The following PBX1 variants were observed in gnomAD, a reference collection of about 807,000 sequenced individuals.
The protein encoded by PBX1 is PBX homeobox 1, also known as pre-B-cell leukemia transcription factor 1.
Under a neutral mutation model 53.4 loss-of-function variants are expected in PBX1, and 6 were observed. The ratio of observed to expected loss-of-function variants is 0.11; its 90% CI spans 0.06 to 0.22. PBX1 has a LOEUF of 0.22. Ranked by LOEUF, PBX1 falls within the 10% of genes least tolerant of loss-of-function variation. The pLI is 1.00. For missense variants in PBX1, 251 were observed against 551.4 expected (o/e 0.46, Z 5.46); for synonymous variants, 204 against 212.3 (o/e 0.96, Z 0.34).
At chr1:164,704,616 T>G (rs1339317986) in intron 2 of PBX1, among the ~76,000 whole-genome samples, 1 of 151,868 alleles carries the variant, frequency 6.6e-6, no homozygotes, top group African/African-American at 2.4e-5. Context: ...ATGTCAGAGC[T>G]CTGATACTAT....
intron 2 of PBX1, among the ~76,000 whole-genome samples, chr1:164,650,459 C>G (rs1042764483): frequency 3.9e-5 from 6 of 152,172 alleles, no homozygotes; most frequent in East Asian, 1.9e-4. Flanking sequence ...GGACTCCTGA[C>G]AAGTGATCCG....
chr1:164,812,775 CTAATT>C (rs1669680045), intron 6 of PBX1: 2 of 152,088 alleles, frequency 1.3e-5, no homozygotes, highest in Non-Finnish European at 2.9e-5. Context: ...CATTATATCA[CTAATT>C]TAAGAGTTTA....
intron 2 of PBX1, among the ~76,000 whole-genome samples, chr1:164,571,700 G>A (rs549420940): frequency 1.1e-3 from 164 of 149,968 alleles, no homozygotes; most frequent in South Asian, 2.1e-3. Context: ...AGGTTTTTAT[G>A]TATGAATATA....
chr1:164,727,591 G>A (rs1256004050), intron 2 of PBX1, among the ~76,000 whole-genome samples: 1 of 152,156 alleles, frequency 6.6e-6, no homozygotes, highest in Admixed American at 6.5e-5. Context: ...GGTGGAAAGG[G>A]GTCTTGAGTT....
intron 2 of PBX1, among the ~76,000 whole-genome samples, chr1:164,791,762 G>A (rs74741368): frequency 0.02 from 3,043 of 152,156 alleles, 105 homozygotes; most frequent in African/African-American, 0.069. Flanking sequence ...ATTTTGTTAT[G>A]ATTACATTTT....
intron 2 of PBX1, among the ~76,000 whole-genome samples, chr1:164,881,332 A>AGAAGGAAG (rs10615739): frequency 5.8e-5 from 6 of 103,892 alleles, no homozygotes; most frequent in African/African-American, 2.4e-4. Flanking sequence ...AAGGAGGAAA[A>AGAAGGAAG]GAAGGAAGGA....
intron 2 of PBX1, among the ~76,000 whole-genome samples, chr1:164,712,157 C>A (rs1030636159): frequency 2.1e-5 from 3 of 142,200 alleles, no homozygotes; most frequent in Non-Finnish European, 4.5e-5. Context: ...GCGTTGGAAC[C>A]CAGGGAAGGA....
intron 2 of PBX1, among the ~76,000 whole-genome samples, chr1:164,778,155 A>C (rs373078368): frequency 1.1e-4 from 17 of 152,320 alleles, no homozygotes; most frequent in African/African-American, 3.8e-4. Context: ...CTGAACATTA[A>C]GACCAAGGTC....
chr1:164,762,297 A>G (rs1001915093), intron 2 of PBX1, among the ~76,000 whole-genome samples: 2 of 152,212 alleles, frequency 1.3e-5, no homozygotes, highest in Non-Finnish European at 2.9e-5. Context: ...CTAGGTCAAT[A>G]CAGGTTGGCA....
At chr1:164,844,880 G>A (rs1011427366) in intron 8 of PBX1, among the ~76,000 whole-genome samples, 1 of 152,146 alleles carries the variant, frequency 6.6e-6, no homozygotes, top group Non-Finnish European at 1.5e-5. Flanking sequence ...CCTCCTTATT[G>A]TTCTCCGTCT....
chr1:164,623,814 C>CA (rs1435480366), intron 2 of PBX1, among the ~76,000 whole-genome samples: 1 of 152,156 alleles, frequency 6.6e-6, no homozygotes, highest in Non-Finnish European at 1.5e-5. Flanking sequence ...TGCTAATGAT[C>CA]AAGAGACATG....
Position 164,661,420 on chromosome 1 carries a change from G to T in PBX1, c.265+98109G>T, listed in dbSNP as rs1345365791. Among the ~76,000 whole-genome samples, 5 of 145,438 alleles carry T rather than the reference G, an allele frequency of 3.4e-5. No individual in the cohort carries two copies. The East Asian group carries it at 1.0e-3, about 30-fold the overall frequency. ...GGGATCACCAGCAATTTCACTGTAA[G>T]CCAGTTTTTTTTTTTTTTTTTTTTG... On this transcript the variant is annotated intron_variant, in intron 2 of 8. Coordinates refer to ENST00000420696, the MANE Select transcript of PBX1 (RefSeq NM_002585.4).
intron 3 of PBX1, among the ~76,000 whole-genome samples, chr1:164,794,582 C>T (rs1046528506): frequency 2.6e-5 from 4 of 152,130 alleles, no homozygotes; most frequent in Non-Finnish European, 5.9e-5. Context: ...AGACATTTCC[C>T]CAGATCCCAG....
chr1:164,816,184 T>C (rs968042801), intron 6 of PBX1: 8 of 152,208 alleles, frequency 5.3e-5, no homozygotes, highest in African/African-American at 1.9e-4. Context: ...TTGAGATACA[T>C]ACCTATTGAA....
intron 2 of PBX1, among the ~76,000 whole-genome samples, chr1:164,776,982 GGT>G (rs1667703342): frequency 1.1e-5 from 1 of 89,754 alleles, no homozygotes; most frequent in Non-Finnish European, 2.5e-5. Context: ...AGAGAGAGGA[GGT>G]GTGGGGGGGC....
At chr1:164,823,180 G>C (rs1272893482) in intron 8 of PBX1, among the ~76,000 whole-genome samples, 1 of 152,148 alleles carries the variant, frequency 6.6e-6, no homozygotes, top group Non-Finnish European at 1.5e-5. Flanking sequence ...AGGACAGAGA[G>C]ATTCTTCCCA....
At chr1:164,748,369 G>C (rs1308189077) in intron 2 of PBX1, among the ~76,000 whole-genome samples, 1 of 152,092 alleles carries the variant, frequency 6.6e-6, no homozygotes, top group Admixed American at 6.5e-5. Context: ...TAATTAAGTG[G>C]AAATAAGAAC....
intron 2 of PBX1, chr1:164,641,781 G>A (rs1659162378): frequency 6.6e-6 from 1 of 152,148 alleles, no homozygotes; most frequent in Admixed American, 6.5e-5. Flanking sequence ...CTCTCCAAAT[G>A]GTGTGAACAT....
rs940151447 is a variant in PBX1 at position 164,559,380 on chromosome 1, C to G, written c.-443C>G. The G allele has an allele frequency of 4.5e-6, 1 of 223,318 alleles. No individual in the cohort carries two copies. The highest frequency in any genetic ancestry group is 8.9e-6 in the Non-Finnish European group (1 of 111,996). 13.8% of individuals were successfully genotyped at this position (223,318 alleles called of 1,614,324 possible). On this transcript the variant is annotated 5_prime_UTR_variant, in exon 1 of 9. Coordinates refer to ENST00000420696, the MANE Select transcript of PBX1 (RefSeq NM_002585.4). ...GGGGGAAAGTTTGCATTGCAATCCC[C>G]CTGCCTTCCTCTCCTTTCTCCCGAT...
Sources: allele counts gnomAD v4.1 joint callset (sites outside exome capture counted in the v4.1 genomes callset), GRCh38; gene constraint gnomAD v4.1.1; transcripts MANE v1.5; gene names NCBI Gene and HGNC (gene_info 2026-07-23, HGNC 2026-07-21).